The following FAF1 variants were observed in gnomAD, a reference collection of about 807,000 sequenced individuals.
FAF1 encodes the protein Fas associated factor 1.
In FAF1, 25 loss-of-function variants were observed where a neutral mutation model predicts 92.5. The observed-to-expected ratio is 0.27, with a 90% CI of 0.20 to 0.38. FAF1 has a LOEUF of 0.38. FAF1 is among the 10% of genes least tolerant of loss of function. The pLI is 1.00. For synonymous variants in FAF1, 234 were observed against 273.2 expected (o/e 0.86, Z 1.42); for missense variants, 636 against 793.3 (o/e 0.80, Z 2.38).
chr1:50,740,157 AT>A lies in FAF1; in HGVS notation c.460-1204del, dbSNP rs138793169. On this transcript the variant is annotated intron_variant, in intron 5 of 18. Coordinates refer to ENST00000396153, the MANE Select transcript of FAF1 (RefSeq NM_007051.3). ...GGAGCTTACATTTGAGTAGGAATAA[AT>A]AAGTAACCCTATATAGTTGAATGTT... Among the ~76,000 whole-genome samples the A allele has an allele frequency of 4.3e-3, 662 of 152,278 alleles. 4 individuals carry two copies. Among genetic ancestry groups the A allele is most frequent in the African/African-American group, 0.016 (645 of 41,562 alleles).
chr1:50,679,369 C>T (rs1441441209), intron 7 of FAF1, among the ~76,000 whole-genome samples: 1 of 148,700 alleles, frequency 6.7e-6, no homozygotes, highest in Non-Finnish European at 1.5e-5. Flanking sequence ...TCAAGCATTA[C>T]ATGCCATGTG....
chr1:50,738,894 A>T lies in FAF1; in HGVS notation c.520T>A (p.Leu174Met). The change falls in exon 6 of 19, where the codon TTG becomes ATG. Residue 174 changes from leucine to methionine, a missense_variant. Leu to Met is a conservative substitution (Grantham distance 15). This residue lies in a region of FAF1 where 317 missense variants were observed against 342.4 expected (regional missense o/e 0.93). Transcript: ENST00000396153. Reference protein sequence around the residue: ...NNSLYVLTPDLPPPSSSSHAG... With the variant: ...NNSLYVLTPDMPPPSSSSHAG... Reference sequence around the variant, plus strand: ...TGACTAGATGATGAAGGTGGTGGCAAATCTGGTGTAAGGACATAAAGACTG... The same window carrying T: ...TGACTAGATGATGAAGGTGGTGGCATATCTGGTGTAAGGACATAAAGACTG... The T allele has an allele frequency of 6.2e-7, 1 of 1,609,952 alleles. No individual in the cohort carries two copies. Among genetic ancestry groups the T allele is most frequent in the Non-Finnish European group, 8.5e-7 (1 of 1,177,504 alleles).
chr1:50,946,894 A>G (rs1394653338), intron 1 of FAF1, among the ~76,000 whole-genome samples: 1 of 152,214 alleles, frequency 6.6e-6, no homozygotes, highest in African/African-American at 2.4e-5. Flanking sequence ...CCCTTCACCC[A>G]AGAGGGAGAC....
chr1:50,596,171 T>A lies in FAF1; in HGVS notation c.790A>T (p.Thr264Ser). The A allele has an allele frequency of 6.2e-7, 1 of 1,613,984 alleles. No individual in the cohort carries two copies. Among genetic ancestry groups the A allele is most frequent in the Non-Finnish European group, 8.5e-7 (1 of 1,179,918 alleles). The change falls in exon 9 of 19, where the codon ACA becomes TCA. Residue 264 changes from threonine (T) to serine (S), a missense_variant. Thr to Ser is a moderately conservative substitution (Grantham distance 58). This residue lies in a region of FAF1 where 317 missense variants were observed against 342.4 expected (regional missense o/e 0.93). Coordinates refer to ENST00000396153, the MANE Select transcript of FAF1 (RefSeq NM_007051.3). ...GCAGGTGAAGATCTTCTTCCCACTG[T>A]AAGTCGATGGCAGGGATAAGAGAGC... ...SGLSYPCHRL[T>S]VGRRSSPAQT...
At chr1:50,811,354 AAAC>A (rs976257536) in intron 2 of FAF1, among the ~76,000 whole-genome samples, 3 of 152,080 alleles carry the variant, frequency 2.0e-5, no homozygotes, top group Non-Finnish European at 4.4e-5. Context: ...ACAACAGCAA[AAAC>A]AACAAGAACA....
chr1:50,942,382 A>G (rs1229618331), intron 1 of FAF1, among the ~76,000 whole-genome samples: 2 of 152,114 alleles, frequency 1.3e-5, no homozygotes, highest in Non-Finnish European at 2.9e-5. Flanking sequence ...AGGTGTAGTA[A>G]GCCATGATGG....
intron 12 of FAF1, among the ~76,000 whole-genome samples, chr1:50,578,641 C>G (rs1650858303): frequency 1.3e-5 from 2 of 152,162 alleles, no homozygotes; most frequent in South Asian, 4.1e-4. Context: ...TTTCTCATCT[C>G]TAAAATGGGA....
intron 7 of FAF1, among the ~76,000 whole-genome samples, chr1:50,687,917 C>T (rs1656742870): frequency 6.6e-6 from 1 of 151,726 alleles, no homozygotes; most frequent in Non-Finnish European, 1.5e-5. Flanking sequence ...GGGCGGATCA[C>T]AAGGTCAGGA....
Position 50,744,665 on chromosome 1 carries a change from A to G in FAF1, c.459+19T>C, listed in dbSNP as rs1374733611. The G allele has an allele frequency of 3.3e-6, 5 of 1,506,342 alleles. No individual in the cohort carries two copies. The highest frequency in any genetic ancestry group is 4.6e-6 in the Non-Finnish European group (5 of 1,093,758). The allele number at this position is 1,506,342 out of a possible 1,614,324, so 93.3% of individuals were successfully genotyped here. On this transcript the variant is annotated intron_variant, in intron 5 of 18. Transcript: ENST00000396153. ...CATAACTTAATTTTCTTTTATTTCTATGCAATTAAGAAACTCACACTGTCT... is the reference window on the plus strand; with the variant it reads ...CATAACTTAATTTTCTTTTATTTCTGTGCAATTAAGAAACTCACACTGTCT...
At chr1:50,672,033 T>TA (rs149066436) in intron 7 of FAF1, among the ~76,000 whole-genome samples, 4 of 148,600 alleles carry the variant, frequency 2.7e-5, no homozygotes, top group Non-Finnish European at 6.0e-5. Flanking sequence ...TTTTTTTTTT[T>TA]ATTATTTATT....
In FAF1 at chr1:50,445,455, A is replaced by C. The variant is rs540031996; in HGVS notation, c.1870-3932T>G. On this transcript the variant is annotated intron_variant, in intron 18 of 18. Transcript: ENST00000396153. ...GGAACCCGCTACATTACATTTTCAG[A>C]GATATTGCTGAGAGTAGTTTCTATA... 2.4e-4 allele frequency among the ~76,000 whole-genome samples: 37 copies of C among 152,294 alleles called. 1 individual carries two copies. Among genetic ancestry groups the C allele is most frequent in the African/African-American group, 8.2e-4 (34 of 41,558 alleles).
intron 18 of FAF1, among the ~76,000 whole-genome samples, chr1:50,463,237 CT>C (rs1646454438): frequency 6.6e-6 from 1 of 152,184 alleles, no homozygotes; most frequent in African/African-American, 2.4e-5. Flanking sequence ...TCTCAAATCA[CT>C]GCTGGAGGTA....
At chr1:50,913,093 G>A (rs75450883) in intron 1 of FAF1, among the ~76,000 whole-genome samples, 488 of 152,218 alleles carry the variant, frequency 3.2e-3, no homozygotes, top group South Asian at 6.7e-3. Context: ...ACTTATTATA[G>A]CACTTACTAC....
intron 2 of FAF1, among the ~76,000 whole-genome samples, chr1:50,837,884 C>G (rs2124640972): frequency 6.6e-6 from 1 of 152,188 alleles, no homozygotes; most frequent in Admixed American, 6.5e-5. Flanking sequence ...GCTGGGACTA[C>G]AGGCGTGTGA....
intron 1 of FAF1, among the ~76,000 whole-genome samples, chr1:50,876,594 G>C (rs1441484507): frequency 1.3e-5 from 2 of 152,014 alleles, no homozygotes; most frequent in African/African-American, 4.8e-5. Context: ...TTTTTGTTTT[G>C]TTTTGTTTTG....
At chr1:50,856,978 T>C (rs1644395308) in intron 2 of FAF1, among the ~76,000 whole-genome samples, 1 of 151,802 alleles carries the variant, frequency 6.6e-6, no homozygotes, top group African/African-American at 2.4e-5. Flanking sequence ...CACATAATTA[T>C]AGAAGATAAT....
chr1:50,955,998 A>G lies in FAF1; in HGVS notation c.45+3769T>C, dbSNP rs192156396. 1.9e-3 allele frequency among the ~76,000 whole-genome samples: 295 copies of G among 152,294 alleles called. 2 individuals carry two copies. Among genetic ancestry groups the G allele is most frequent in the African/African-American group, 6.6e-3 (273 of 41,554 alleles). ...TGCCAGGGGCTGAGGAGAGAGGGAT[A>G]TAAGGACTTATTGTTAAATAAGTAC... is the stretch of plus-strand genomic sequence containing the variant. On this transcript the variant is annotated intron_variant, in intron 1 of 18. Coordinates refer to ENST00000396153, the MANE Select transcript of FAF1 (RefSeq NM_007051.3).
chr1:50,819,651 C>CAT (rs1309005281), intron 2 of FAF1, among the ~76,000 whole-genome samples: 1 of 138,250 alleles, frequency 7.2e-6, no homozygotes, highest in African/African-American at 2.8e-5. Context: ...CACACACACA[C>CAT]ACACACACAC....
At chr1:50,900,101 A>G (rs1467521453) in intron 1 of FAF1, among the ~76,000 whole-genome samples, 5 of 152,164 alleles carry the variant, frequency 3.3e-5, no homozygotes, top group Non-Finnish European at 7.3e-5. Context: ...TAATCATCTG[A>G]GAAATGCCTG....
Sources: allele counts gnomAD v4.1 joint callset (sites outside exome capture counted in the v4.1 genomes callset), GRCh38; gene constraint gnomAD v4.1.1; regional missense constraint gnomAD v4.1.1; transcripts MANE v1.5; gene names NCBI Gene and HGNC (gene_info 2026-07-23, HGNC 2026-07-21).